MYO3B: variants seen among roughly 807,000 people sequenced by gnomAD.
MYO3B encodes myosin IIIB, also known as myosin-IIIb.
MYO3B carries 156 observed loss-of-function variants against 174.6 expected under a neutral mutation model. That is an observed-to-expected ratio of 0.89 (90% CI 0.78 to 1.02). The LOEUF (loss-of-function observed/expected upper bound fraction) is 1.02, where lower values mean the gene tolerates loss of function less well. Among genes scored for constraint, MYO3B ranks in the 50% least tolerant of loss-of-function variants. MYO3B has a pLI of 0.00. For synonymous variants in MYO3B, 563 were observed against 569.1 expected, an observed-to-expected ratio of 0.99 and a Z score of 0.15; for missense variants, 1,632 against 1,639.4, an observed-to-expected ratio of 1.00 and a Z score of 0.08.
intron 32 of MYO3B, among the ~76,000 whole-genome samples, chr2:170,639,979 C>T (rs1050103100): frequency 9.8e-5 from 15 of 152,298 alleles, no homozygotes; most frequent in South Asian, 2.1e-4. Context: ...CTAGAGCTTC[C>T]GCCATCCAGA....
At position 170,383,704 on chromosome 2, in the gene MYO3B, C is replaced by T. The variant is rs1309592844; in HGVS notation, c.1186-6C>T. 2 of 1,608,650 alleles carry T rather than the reference C, an allele frequency of 1.2e-6. No individual in the cohort carries two copies. Among genetic ancestry groups the T allele is most frequent in the Admixed American group, 3.3e-5 (2 of 59,944 alleles). Reference sequence around the variant, plus strand: ...GGAGAGTTTCCTTTAATTATTTTTCCTTCAGTTTTCCAGACTTTATCATGG... The same window carrying T: ...GGAGAGTTTCCTTTAATTATTTTTCTTTCAGTTTTCCAGACTTTATCATGG... On this transcript the variant is annotated splice_region_variant and splice_polypyrimidine_tract_variant and intron_variant, in intron 11 of 34. Coordinates refer to ENST00000408978, the MANE Select transcript of MYO3B (RefSeq NM_138995.5).
At chr2:170,412,138 G>A (rs969956233) in intron 22 of MYO3B, 7 of 152,196 alleles carry the variant, frequency 4.6e-5, no homozygotes, top group African/African-American at 1.7e-4. Context: ...ACATTAAAAG[G>A]AAGGATGTTA....
At chr2:170,305,990 T>C (rs908859270) in intron 7 of MYO3B, among the ~76,000 whole-genome samples, 3 of 152,188 alleles carry the variant, frequency 2.0e-5, no homozygotes, top group Non-Finnish European at 2.9e-5. Flanking sequence ...TCTTTTATTT[T>C]ACATGATATG....
rs540961220 is a variant in MYO3B at position 170,391,509 on chromosome 2, T to C, written c.1578-11T>C. ...AGAATATATTATTACTAAAGTCTCT[T>C]TTTTTTTCAGGAGAGAGAAAAATTT... On this transcript the variant is annotated splice_polypyrimidine_tract_variant and intron_variant, in intron 14 of 34. Transcript: ENST00000408978. 1.1e-5 allele frequency: 14 copies of C among 1,330,172 alleles called. No homozygotes were observed. Among genetic ancestry groups the C allele is most frequent in the South Asian group, 4.2e-5 (3 of 71,432 alleles). The allele number at this position is 1,330,172 out of a possible 1,614,324, so 82.4% of individuals were successfully genotyped here.
rs1558954885 is a variant in MYO3B, at chr2:170,392,430, G to A, written c.1726G>A (p.Glu576Lys). ...GRVMHDITSK[E>K]SYRRQFEAIQ... ...GGTGATGCACGACATAACTTCCAAG[G>A]AGTCTTACAGAAGACAATTCGAAGC... is the stretch of plus-strand genomic sequence containing the variant. The change falls in exon 16 of 35, where the codon GAG becomes AAG. Residue 576 changes from glutamate (E) to lysine (K), a missense_variant. By Grantham distance (56) the Glu-to-Lys change is moderately conservative. Transcript: ENST00000408978. 6.2e-7 allele frequency: 1 copy of A among 1,600,182 alleles called. No homozygotes were observed. The highest frequency in any genetic ancestry group is 2.3e-5 in the East Asian group (1 of 44,342).
At chr2:170,223,433 G>A (rs940127813) in intron 6 of MYO3B, among the ~76,000 whole-genome samples, 5 of 152,190 alleles carry the variant, frequency 3.3e-5, no homozygotes, top group African/African-American at 9.7e-5. Context: ...ACCTGTGAGA[G>A]TGCCACTCGG....
chr2:170,262,233 G>T (rs549582722), intron 7 of MYO3B, among the ~76,000 whole-genome samples: 1 of 152,346 alleles, frequency 6.6e-6, no homozygotes, highest in Admixed American at 6.5e-5. Flanking sequence ...CCTTCAGAAC[G>T]TTAGTGAGAA....
chr2:170,279,981 C>T (rs1022730986), intron 7 of MYO3B, among the ~76,000 whole-genome samples: 1 of 152,052 alleles, frequency 6.6e-6, no homozygotes, highest in Non-Finnish European at 1.5e-5. Context: ...GGTATATATC[C>T]AGTAATGGAT....
chr2:170,436,264 T>A (rs2094753164), intron 22 of MYO3B, among the ~76,000 whole-genome samples: 1 of 152,056 alleles, frequency 6.6e-6, no homozygotes, highest in African/African-American at 2.4e-5. Flanking sequence ...GTCTAGGGGG[T>A]GAAGCACTGA....
chr2:170,369,871 C>T (rs567163218), intron 9 of MYO3B, among the ~76,000 whole-genome samples: 309 of 152,218 alleles, frequency 2.0e-3, no homozygotes, highest in Non-Finnish European at 3.7e-3. Context: ...AGACCATTTT[C>T]TCTTTAGTTT....
chr2:170,251,000 G>A (rs2093246787), intron 7 of MYO3B, among the ~76,000 whole-genome samples: 1 of 151,810 alleles, frequency 6.6e-6, no homozygotes, highest in African/African-American at 2.4e-5. Context: ...GGGCCAAAAA[G>A]CAACTTTTTG....
chr2:170,313,341 C>T (rs1419002714), intron 7 of MYO3B, among the ~76,000 whole-genome samples: 1 of 152,038 alleles, frequency 6.6e-6, no homozygotes, highest in Non-Finnish European at 1.5e-5. Flanking sequence ...AAACATAGTG[C>T]TCAGTAAGTA....
At position 170,635,738 on chromosome 2, in the gene MYO3B, T is replaced by C. The variant is rs115175286; in HGVS notation, c.3734-15890T>C. On this transcript the variant is annotated intron_variant, in intron 32 of 34. Transcript: ENST00000408978. ...ATCTGTGATCAAAAGAAATAAAATA[T>C]TGTATTTTAAACATGTTTTCTTTCT... Among the ~76,000 whole-genome samples the C allele has an allele frequency of 2.4e-3, 368 of 152,266 alleles. 2 individuals carry two copies. Among genetic ancestry groups the C allele is most frequent in the African/African-American group, 8.7e-3 (360 of 41,532 alleles).
chr2:170,178,371 C>T, intron 1 of MYO3B, 82 bp downstream of exon 1: 1 of 1,584,702 alleles, frequency 6.3e-7, no homozygotes. Flanking sequence ...TGCAGCTGCC[C>T]TGGCTGGTGG....
chr2:170,252,624 G>T lies in MYO3B; in HGVS notation c.749+16488G>T, dbSNP rs552265706. ...TCTTGGAGCTTACATTCTAGAGGGG[G>T]AAAGAAATAATAAACAAGTAAAAAT... is the stretch of plus-strand genomic sequence containing the variant. On this transcript the variant is annotated intron_variant, in intron 7 of 34. Coordinates refer to ENST00000408978, the MANE Select transcript of MYO3B (RefSeq NM_138995.5). Among the ~76,000 whole-genome samples, 4 of 152,258 alleles carry T rather than the reference G, an allele frequency of 2.6e-5. No individual in the cohort carries two copies. The East Asian group carries it at 7.7e-4, about 29-fold the overall frequency.
intron 7 of MYO3B, among the ~76,000 whole-genome samples, chr2:170,282,784 G>A (rs112839126): frequency 0.01 from 1,584 of 152,198 alleles, 31 homozygotes; most frequent in African/African-American, 0.036. Context: ...AGTGAGTGGG[G>A]AAAGCCTATT....
At chr2:170,545,358 T>G (rs767825813) in intron 32 of MYO3B, among the ~76,000 whole-genome samples, 1 of 152,212 alleles carries the variant, frequency 6.6e-6, no homozygotes, top group Non-Finnish European at 1.5e-5. Flanking sequence ...TACTTAGGAT[T>G]AAATGAGCTA....
At chr2:170,472,699 ATTTATTTAT>A (rs892755201) in intron 25 of MYO3B, among the ~76,000 whole-genome samples, 2 of 150,148 alleles carry the variant, frequency 1.3e-5, no homozygotes, top group African/African-American at 4.9e-5. Flanking sequence ...TTATTTATTT[ATTTATTTAT>A]TTATTTATTT....
chr2:170,472,026 C>CCATAAATT (rs886285321), intron 25 of MYO3B, among the ~76,000 whole-genome samples: 3 of 151,764 alleles, frequency 2.0e-5, no homozygotes, highest in Non-Finnish European at 4.4e-5. Context: ...ACCAACTTGA[C>CCATAAATT]CATAAATTTA....
Sources: gnomAD v4.1 joint callset for allele counts (sites outside exome capture counted in the v4.1 genomes callset) on GRCh38, gnomAD v4.1.1 for gene constraint, MANE v1.5 for transcripts, NCBI Gene and HGNC (gene_info 2026-07-23, HGNC 2026-07-21) for gene names.